MME: variants seen among roughly 807,000 people sequenced by gnomAD.
MME encodes the protein neprilysin.
Under a neutral mutation model 113.2 loss-of-function variants are expected in MME, and 98 were observed. The observed-to-expected ratio is 0.87, with a 90% CI of 0.74 to 1.02. The LOEUF is 1.02. Among genes scored for constraint, MME ranks in the 50% least tolerant of loss-of-function variants. The pLI is 0.00. For synonymous variants in MME, 292 were observed against 300.6 expected, an observed-to-expected ratio of 0.97 and a Z score of 0.30; for missense variants, 836 against 896.0, an observed-to-expected ratio of 0.93 and a Z score of 0.86.
intron 9 of MME, 44 bp from the exon 10 acceptor site, chr3:155,140,147 A>C (rs1274979478): frequency 2.9e-6 from 4 of 1,391,964 alleles, no homozygotes; most frequent in Non-Finnish European, 4.0e-6. Flanking sequence ...ATTTTTCTAA[A>C]GAATTCTTAA....
intron 16 of MME, among the ~76,000 whole-genome samples, chr3:155,156,742 GAC>G (rs1327593694): frequency 6.6e-6 from 1 of 152,154 alleles, no homozygotes; most frequent in Non-Finnish European, 1.5e-5. Flanking sequence ...ACTGGAGGAA[GAC>G]ACAGAAAATC....
chr3:155,025,909 G>C (rs1712767671), intron 1 of MME, among the ~76,000 whole-genome samples: 1 of 151,328 alleles, frequency 6.6e-6, no homozygotes, highest in Non-Finnish European at 1.5e-5. Context: ...TGGCCAGGCT[G>C]GTCTTGAACT....
upstream of MME, among the ~76,000 whole-genome samples, chr3:155,076,843 A>G (rs1469142718): frequency 1.3e-5 from 2 of 152,178 alleles, no homozygotes; most frequent in African/African-American, 2.4e-5. Flanking sequence ...GTAAACTGTC[A>G]TAGCACTGGT....
At chr3:155,081,808 A>G (rs565903793) in intron 1 of MME, 23 of 152,318 alleles carry the variant, frequency 1.5e-4, no homozygotes, top group African/African-American at 5.3e-4. Flanking sequence ...ATGAACGACA[A>G]AGTTAATTAG....
chr3:155,031,110 G>T (rs1712955411), intron 1 of MME, among the ~76,000 whole-genome samples: 1 of 152,154 alleles, frequency 6.6e-6, no homozygotes, highest in African/African-American at 2.4e-5. Context: ...ACTTGTTTCA[G>T]CTGTAATGTT....
At position 155,180,369 on chromosome 3, in the gene MME, G is replaced by A; in HGVS notation, c.2163G>A (p.Gly721=). 1 of 1,613,076 alleles carries A rather than the reference G, an allele frequency of 6.2e-7. No homozygotes were observed. The highest frequency in any genetic ancestry group is 8.5e-7 in the Non-Finnish European group (1 of 1,179,162). The change falls in exon 23 of 23, where the codon GGG becomes GGA. Residue 721 remains glycine (G), a synonymous_variant. Coordinates refer to ENST00000360490, the MANE Select transcript of MME (RefSeq NM_007289.4). ...VHSPGNFRII[G]TLQNSAEFSE... ...TTTGTTTGTTTCAAAGGATTATTGG[G>A]ACTTTGCAGAACTCTGCAGAGTTTT...
chr3:155,118,859 G>A (rs201134409), intron 8 of MME, 48 bp downstream of exon 8: 49 of 1,184,028 alleles, frequency 4.1e-5, no homozygotes, highest in East Asian at 7.5e-5. Context: ...ATGATCTGGT[G>A]TAAACCTACA....
intron 1 of MME, among the ~76,000 whole-genome samples, chr3:155,050,943 T>C (rs1713741156): frequency 6.6e-6 from 1 of 152,158 alleles, no homozygotes; most frequent in Admixed American, 6.6e-5. Context: ...GTGAATTGTG[T>C]TCTATAGTTG....
intron 8 of MME, among the ~76,000 whole-genome samples, chr3:155,135,987 AT>A (rs1404319353): frequency 2.6e-5 from 4 of 152,238 alleles, no homozygotes; most frequent in Non-Finnish European, 4.4e-5. Context: ...TTATTCATGG[AT>A]TTTGTATCCT....
intron 1 of MME, among the ~76,000 whole-genome samples, chr3:155,029,011 CA>C (rs1266158751): frequency 1.3e-5 from 2 of 152,052 alleles, no homozygotes; most frequent in African/African-American, 2.4e-5. Context: ...AAAGGTTTCA[CA>C]AAAAGCAAAA....
At chr3:155,029,366 G>A (rs947568271) in intron 1 of MME, among the ~76,000 whole-genome samples, 3 of 151,246 alleles carry the variant, frequency 2.0e-5, no homozygotes, top group Non-Finnish European at 4.4e-5. Context: ...CAATATTTTA[G>A]GTCCTTTTAG....
chr3:155,151,184 A>G lies in MME; in HGVS notation c.1601+2531A>G, dbSNP rs73875830. Among the ~76,000 whole-genome samples the G allele has an allele frequency of 5.9e-3, 891 of 152,222 alleles. 8 individuals carry two copies. The highest frequency in any genetic ancestry group is 0.021 in the African/African-American group (859 of 41,540). On this transcript the variant is annotated intron_variant, in intron 16 of 22. Transcript: ENST00000360490. ...TAGACAGATAATTTCTGTTGCTTCT[A>G]CTTGTCCACATAGCCCGTAGTTACA...
chr3:155,033,734 T>C (rs548259524), intron 1 of MME, among the ~76,000 whole-genome samples: 2 of 151,974 alleles, frequency 1.3e-5, no homozygotes, highest in African/African-American at 2.4e-5. Flanking sequence ...CACCAAGCAA[T>C]TGAGGGCATG....
At chr3:155,097,079 G>C (rs545860699) in intron 3 of MME, among the ~76,000 whole-genome samples, 1 of 152,304 alleles carries the variant, frequency 6.6e-6, no homozygotes, top group East Asian at 1.9e-4. Flanking sequence ...TAAGTCAGCT[G>C]TTCACCAAGC....
chr3:155,032,978 G>A (rs913203731), intron 1 of MME, among the ~76,000 whole-genome samples: 3 of 152,172 alleles, frequency 2.0e-5, no homozygotes, highest in Non-Finnish European at 4.4e-5. Context: ...TTTTGGGAAA[G>A]GCATATTTAA....
chr3:155,044,860 A>G (rs562527330), intron 1 of MME, among the ~76,000 whole-genome samples: 96 of 152,270 alleles, frequency 6.3e-4, no homozygotes, highest in Non-Finnish European at 1.1e-3. Context: ...GAATTTATTA[A>G]TTGATCCACT....
At position 155,166,956 on chromosome 3, in the gene MME, C is replaced by G; in HGVS notation, c.1715C>G (p.Ser572Ter). Residue 572 changes from serine to a stop codon, truncating the protein, a stop_gained, in exon 18 of 23, where the codon TCA (serine) becomes TGA (stop). Coordinates refer to ENST00000360490, the MANE Select transcript of MME (RefSeq NM_007289.4). LOFTEE classifies it high-confidence loss of function. ...TTCTTTAGTGCCCAGCAGTCCAACTCATTGAACTATGGGGGCATCGGCATG... is the reference window on the plus strand; with the variant it reads ...TTCTTTAGTGCCCAGCAGTCCAACTGATTGAACTATGGGGGCATCGGCATG... ...PPFFSAQQSN[S>*]LNYGGIGMVI... The G allele has an allele frequency of 1.2e-6, 2 of 1,613,652 alleles. No homozygotes were observed. The highest frequency in any genetic ancestry group is 1.7e-6 in the Non-Finnish European group (2 of 1,179,686).
intron 3 of MME, 67 bp downstream of exon 3, chr3:155,085,161 T>C (rs1715565938): frequency 1.9e-6 from 2 of 1,036,316 alleles, no homozygotes; most frequent in Admixed American, 3.8e-5. Context: ...TAAATGCTAA[T>C]CTTAATTTGC....
intron 17 of MME, among the ~76,000 whole-genome samples, chr3:155,164,051 G>T (rs954714481): frequency 3.3e-5 from 5 of 151,772 alleles, no homozygotes; most frequent in African/African-American, 1.2e-4. Context: ...GGCTGAGGTG[G>T]GAGGATTTCC....
Sources: allele counts gnomAD v4.1 joint callset (sites outside exome capture counted in the v4.1 genomes callset), GRCh38; gene constraint gnomAD v4.1.1; transcripts MANE v1.5; gene names NCBI Gene and HGNC (gene_info 2026-07-23, HGNC 2026-07-21).